Variants in SYNE1 observed in about 807,000 individuals in gnomAD.
The protein encoded by SYNE1 is nesprin-1.
A neutral mutation model predicts 1,111.0 loss-of-function variants in SYNE1; 616 were observed. The observed-to-expected ratio is 0.55, with a 90% confidence interval of 0.52 to 0.59. The LOEUF is 0.59. SYNE1 is among the 20% of genes least tolerant of loss of function. The probability of loss-of-function intolerance (pLI) is 0.00; values close to 1 mark genes in which losing one functional copy is unlikely to be tolerated. For synonymous variants in SYNE1, 3,855 were observed against 3,825.8 expected (o/e 1.01, Z -0.28); for missense variants, 10,006 against 10,417.0 (o/e 0.96, Z 1.72).
At chr6:152,167,158 C>T (rs1759596225) in intron 130 of SYNE1, among the ~76,000 whole-genome samples, 1 of 152,182 alleles carries the variant, frequency 6.6e-6, no homozygotes, top group Admixed American at 6.5e-5. Context: ...GTATCACAGG[C>T]ACTTGACCTT....
rs35496801 is a variant in SYNE1, at chr6:152,488,074, C to CAAAA, written c.1047+318_1047+321dup. Among the ~76,000 whole-genome samples the CAAAA allele has an allele frequency of 0.045, 6,032 of 132,832 alleles. 492 individuals are homozygous for CAAAA. The highest frequency in any genetic ancestry group is 0.16 in the African/African-American group (5,628 of 36,082). 87.1% of individuals were successfully genotyped at this position (132,832 alleles called of 152,430 possible). A position where few individuals can be genotyped will look rare whatever the true frequency, so the allele number is the denominator to read the frequency against. Reference sequence around the variant, plus strand: ...TGGGAGAGAGAGTGAGACTCCGTCTCAAAAAAAAAAAAAAATCATGAGTTC... The same window carrying CAAAA: ...TGGGAGAGAGAGTGAGACTCCGTCTCAAAAAAAAAAAAAAAAAAATCATGAGTTC... On this transcript the variant is annotated intron_variant, in intron 12 of 145. Coordinates refer to ENST00000367255, the MANE Select transcript of SYNE1 (RefSeq NM_182961.4).
At chr6:152,442,341 T>G (rs2098539385) in intron 30 of SYNE1, 96 bp from the exon 31 acceptor site, 3 of 1,467,774 alleles carry the variant, frequency 2.0e-6, no homozygotes, top group Non-Finnish European at 2.8e-6. Context: ...TACAGAAAGG[T>G]GGGCCCGAAA....
intron 40 of SYNE1, among the ~76,000 whole-genome samples, chr6:152,419,340 G>T (rs1191866767): frequency 6.6e-6 from 1 of 152,106 alleles, no homozygotes; most frequent in African/African-American, 2.4e-5. Context: ...TGAAGAGAAA[G>T]TGTCTTAAGA....
At chr6:152,530,823 C>A (rs907864553) in intron 4 of SYNE1, among the ~76,000 whole-genome samples, 1 of 151,946 alleles carries the variant, frequency 6.6e-6, no homozygotes, top group Non-Finnish European at 1.5e-5. Context: ...CGGGGTTTCA[C>A]CGTGTTAGCC....
At chr6:152,477,824 C>G (rs889619477) in intron 14 of SYNE1, among the ~76,000 whole-genome samples, 1 of 152,162 alleles carries the variant, frequency 6.6e-6, no homozygotes, top group African/African-American at 2.4e-5. Flanking sequence ...ACAAGTGGCA[C>G]AATCATAGCT....
chr6:152,191,675 C>T (rs1258159825), intron 127 of SYNE1, among the ~76,000 whole-genome samples: 2 of 151,970 alleles, frequency 1.3e-5, no homozygotes, highest in East Asian at 3.9e-4. Flanking sequence ...AATGGTTTGT[C>T]AATTTATCTT....
chr6:152,303,684 G>C (rs1038873540), intron 91 of SYNE1, among the ~76,000 whole-genome samples: 10 of 152,078 alleles, frequency 6.6e-5, no homozygotes, highest in African/African-American at 2.4e-4. Flanking sequence ...ATCATCTCTA[G>C]ATTACTAATA....
chr6:152,401,497 TCAGTGGA>T (rs886626377), intron 46 of SYNE1, among the ~76,000 whole-genome samples, 156 bp from the exon 47 acceptor site: 1 of 152,136 alleles, frequency 6.6e-6, no homozygotes, highest in African/African-American at 2.4e-5. Context: ...AGAAGGAAAA[TCAGTGGA>T]CACAGTTGCC....
intron 77 of SYNE1, 74 bp from the exon 78 acceptor site, chr6:152,331,964 T>C: frequency 6.3e-7 from 1 of 1,588,250 alleles, no homozygotes; most frequent in Non-Finnish European, 8.6e-7. Flanking sequence ...CTATGCTAAA[T>C]TACACTTCAC....
intron 145 of SYNE1, 90 bp from the exon 146 acceptor site, chr6:152,122,766 G>A: frequency 6.3e-7 from 1 of 1,594,438 alleles, no homozygotes; most frequent in Non-Finnish European, 8.5e-7. Context: ...GAAGCTAAAG[G>A]GCCATGCCAA....
chr6:152,495,988 A>G (rs1487180791), intron 11 of SYNE1, among the ~76,000 whole-genome samples: 1 of 152,172 alleles, frequency 6.6e-6, no homozygotes, highest in Non-Finnish European at 1.5e-5. Context: ...TGGGTACAAG[A>G]CACCTCTTTT....
intron 41 of SYNE1, among the ~76,000 whole-genome samples, chr6:152,414,462 A>T (rs1224945279): frequency 2.6e-5 from 4 of 152,216 alleles, no homozygotes; most frequent in South Asian, 2.1e-4. Context: ...TCATTCTTAC[A>T]GTTTGGTATA....
chr6:152,348,746 GTT>G (rs60424784), intron 72 of SYNE1, among the ~76,000 whole-genome samples: 4 of 99,450 alleles, frequency 4.0e-5, no homozygotes, highest in South Asian at 3.1e-4. Context: ...AAGTTCTAGT[GTT>G]TTTTTTTTTT....
At chr6:152,562,807 T>TA (rs1554921628) in intron 3 of SYNE1, among the ~76,000 whole-genome samples, 28 of 152,150 alleles carry the variant, frequency 1.8e-4, no homozygotes, top group Non-Finnish European at 2.4e-4. Context: ...ATATATTTTT[T>TA]TAAAAAACTC....
At chr6:152,362,974 G>A (rs1404950661) in intron 63 of SYNE1, among the ~76,000 whole-genome samples, 2 of 150,884 alleles carry the variant, frequency 1.3e-5, no homozygotes, top group African/African-American at 2.4e-5. Context: ...TCTGCCTCCC[G>A]GGTTCACGCC....
At chr6:152,238,494 C>T (rs2084754909) in intron 108 of SYNE1, among the ~76,000 whole-genome samples, 1 of 152,138 alleles carries the variant, frequency 6.6e-6, no homozygotes, top group Non-Finnish European at 1.5e-5. Flanking sequence ...GATGTCTCTC[C>T]AAAATATAGG....
chr6:152,483,045 G>A (rs759901165), intron 14 of SYNE1, 40 bp downstream of exon 14: 3 of 1,612,792 alleles, frequency 1.9e-6, no homozygotes, highest in Non-Finnish European at 2.5e-6. Context: ...GACCACAGTA[G>A]GGCTGTTATG....
chr6:152,180,958 A>G (rs928003685), intron 128 of SYNE1, among the ~76,000 whole-genome samples: 1 of 150,982 alleles, frequency 6.6e-6, no homozygotes, highest in Non-Finnish European at 1.5e-5. Flanking sequence ...TGACAGATTT[A>G]TTAAGATGTA....
chr6:152,207,948 A>G, intron 125 of SYNE1, 24 bp downstream of exon 125: 1 of 1,612,488 alleles, frequency 6.2e-7, no homozygotes. Context: ...AAGAGGTGTG[A>G]GAACACTGTG....
Sources: gnomAD v4.1 joint callset for allele counts (sites outside exome capture counted in the v4.1 genomes callset) on GRCh38, gnomAD v4.1.1 for gene constraint, MANE v1.5 for transcripts, NCBI Gene and HGNC (gene_info 2026-07-23, HGNC 2026-07-21) for gene names.